EFCAB8: variants seen among roughly 807,000 people sequenced by gnomAD.
EFCAB8 encodes the protein EF-hand calcium binding domain 8, also known as EF-hand calcium-binding domain-containing protein 8.
Under a neutral mutation model 116.3 loss-of-function variants are expected in EFCAB8, and 100 were observed. The observed-to-expected ratio is 0.86, with a 90% CI of 0.73 to 1.02. The LOEUF (loss-of-function observed/expected upper bound fraction) is 1.02. Among genes scored for constraint, EFCAB8 ranks in the 50% least tolerant of loss-of-function variants. The probability of loss-of-function intolerance (pLI) is 0.00; values close to 1 mark genes in which losing one functional copy is unlikely to be tolerated. For synonymous variants in EFCAB8, 558 were observed against 567.9 expected, an observed-to-expected ratio of 0.98 and a Z score of 0.25; for missense variants, 1,320 against 1,416.9, an observed-to-expected ratio of 0.93 and a Z score of 1.10.
At chr20:32,861,866 CTT>C (rs1401297637) in intron 1 of EFCAB8, among the ~76,000 whole-genome samples, 1 of 152,178 alleles carries the variant, frequency 6.6e-6, no homozygotes, top group Non-Finnish European at 1.5e-5. Context: ...TTTCCAGGCT[CTT>C]TTTTATGCAT....
chr20:32,892,117 A>C, intron 7 of EFCAB8, 96 bp from the exon 8 acceptor site: 13 of 1,107,614 alleles, frequency 1.2e-5, no homozygotes, highest in Non-Finnish European at 1.5e-5. Context: ...TGAAGGGGCC[A>C]GAGATTCCTT....
intron 11 of EFCAB8, among the ~76,000 whole-genome samples, chr20:32,905,808 G>A (rs1036003177): frequency 6.6e-6 from 1 of 150,436 alleles, no homozygotes; most frequent in Non-Finnish European, 1.5e-5. Flanking sequence ...GGTATAGAGT[G>A]GGCACCTATG....
chr20:32,918,741 G>T (rs1233189329), intron 19 of EFCAB8, among the ~76,000 whole-genome samples, 167 bp downstream of exon 19: 1 of 152,212 alleles, frequency 6.6e-6, no homozygotes, highest in Non-Finnish European at 1.5e-5. Context: ...GGCACCCTCT[G>T]GTTTTAGTCC....
intron 17 of EFCAB8, among the ~76,000 whole-genome samples, chr20:32,916,727 A>T (rs961195514): frequency 1.3e-5 from 2 of 152,178 alleles, no homozygotes; most frequent in African/African-American, 4.8e-5. Flanking sequence ...GGCAGGTACT[A>T]ATCAAATATT....
chr20:32,873,244 A>G (rs927332955), intron 3 of EFCAB8, among the ~76,000 whole-genome samples: 3 of 152,144 alleles, frequency 2.0e-5, no homozygotes, highest in Admixed American at 2.0e-4. Flanking sequence ...GACCCTAGGA[A>G]GGCTTCCCTA....
intron 24 of EFCAB8, 81 bp from the exon 25 acceptor site, chr20:32,959,697 G>A: frequency 3.8e-6 from 4 of 1,058,496 alleles, no homozygotes; most frequent in Non-Finnish European, 5.4e-6. Context: ...GCCAGGAAGG[G>A]GAGAGGCTTT....
intron 22 of EFCAB8, among the ~76,000 whole-genome samples, chr20:32,935,553 C>T (rs908872449): frequency 2.0e-5 from 3 of 151,626 alleles, no homozygotes; most frequent in Non-Finnish European, 4.4e-5. Context: ...ATTGCCCAGA[C>T]TGGAGTGCAA....
At chr20:32,881,915 A>C (rs1985359713) in intron 5 of EFCAB8, among the ~76,000 whole-genome samples, 1 of 152,204 alleles carries the variant, frequency 6.6e-6, no homozygotes, top group African/African-American at 2.4e-5. Context: ...TCTTGCTTAG[A>C]AATTATCCCT....
chr20:32,872,169 GA>G (rs1179744295), intron 3 of EFCAB8, among the ~76,000 whole-genome samples: 2 of 152,178 alleles, frequency 1.3e-5, no homozygotes, highest in Non-Finnish European at 2.9e-5. Flanking sequence ...TGTATAAGGA[GA>G]ATAGAATGGG....
chr20:32,888,062 TTTTC>T lies in EFCAB8; in HGVS notation c.568-1231_568-1228del, dbSNP rs1771262244. On this transcript the variant is annotated intron_variant, in intron 6 of 26. Transcript: ENST00000400522. The stretch of plus-strand genomic sequence containing the variant: ...TGGCTATCCTCTCTACATATCCCCC[TTTTC>T]TTTCTTTTTTTTTTTGAGACTGGGT... 2.0e-5 allele frequency among the ~76,000 whole-genome samples: 3 copies of T among 147,750 alleles called. 1 individual carries two copies. In the South Asian group the frequency reaches 6.9e-4, roughly 34 times the overall value.
intron 23 of EFCAB8, among the ~76,000 whole-genome samples, chr20:32,956,325 C>G (rs1329435796): frequency 6.6e-6 from 1 of 152,038 alleles, no homozygotes; most frequent in East Asian, 1.9e-4. Context: ...TTTATGGTTA[C>G]TCACATATTT....
At chr20:32,892,815 G>A (rs937484178) in intron 8 of EFCAB8, among the ~76,000 whole-genome samples, 2 of 151,620 alleles carry the variant, frequency 1.3e-5, no homozygotes, top group South Asian at 2.1e-4. Context: ...GGGAGGGAGT[G>A]GAGGCTCCAC....
chr20:32,928,359 A>G (rs1374782135), intron 20 of EFCAB8, among the ~76,000 whole-genome samples: 1 of 151,182 alleles, frequency 6.6e-6, no homozygotes, highest in Non-Finnish European at 1.5e-5. Context: ...CCTCAGCCTC[A>G]TGGGTAGCTG....
intron 6 of EFCAB8, among the ~76,000 whole-genome samples, chr20:32,887,529 C>T (rs775532010): frequency 8.5e-5 from 13 of 152,226 alleles, no homozygotes; most frequent in East Asian, 3.9e-4. Context: ...GAGCCGAGAT[C>T]GCACCACTGT....
rs541683406 is a variant in EFCAB8, at chr20:32,880,831, A to G, written c.431+2024A>G. Among the ~76,000 whole-genome samples the G allele has an allele frequency of 2.6e-5, 4 of 152,266 alleles. No individual in the cohort carries two copies. In the East Asian group the frequency reaches 7.7e-4, roughly 29 times the overall value. ...TTTTTAGTGGAAGCTTCATGACATCAGCATTCCTGCCCCTAGGGCATAGGG... is the reference window on the plus strand; with the variant it reads ...TTTTTAGTGGAAGCTTCATGACATCGGCATTCCTGCCCCTAGGGCATAGGG... On this transcript the variant is annotated intron_variant, in intron 5 of 26. Coordinates refer to ENST00000400522, the MANE Select transcript of EFCAB8 (RefSeq NM_001143967.2).
chr20:32,947,415 A>G (rs954943805), intron 23 of EFCAB8, among the ~76,000 whole-genome samples: 11 of 152,258 alleles, frequency 7.2e-5, no homozygotes, highest in Admixed American at 2.6e-4. Flanking sequence ...TTTTAAGTGC[A>G]CACAGAACAT....
At chr20:32,893,497 AG>A (rs1189356504) in intron 9 of EFCAB8, among the ~76,000 whole-genome samples, 199 bp downstream of exon 9, 2 of 152,174 alleles carry the variant, frequency 1.3e-5, no homozygotes, top group Admixed American at 6.5e-5. Context: ...GAAGACCACG[AG>A]GGCTGGGGAG....
At chr20:32,897,344 C>A (rs76855067) in intron 10 of EFCAB8, among the ~76,000 whole-genome samples, 4,174 of 152,222 alleles carry the variant, frequency 0.027, 186 homozygotes, top group African/African-American at 0.095. Context: ...AAATAGTACC[C>A]TGCGCTTGGT....
intron 4 of EFCAB8, among the ~76,000 whole-genome samples, chr20:32,877,349 C>T (rs956783571): frequency 2.6e-5 from 4 of 151,736 alleles, no homozygotes; most frequent in Non-Finnish European, 4.4e-5. Context: ...GCTGGGATTA[C>T]AGGCACCCAC....
Sources: gnomAD v4.1 joint callset for allele counts (sites outside exome capture counted in the v4.1 genomes callset) on GRCh38, gnomAD v4.1.1 for gene constraint, MANE v1.5 for transcripts, NCBI Gene and HGNC (gene_info 2026-07-23, HGNC 2026-07-21) for gene names.